FAM83F: variants seen among roughly 807,000 people sequenced by gnomAD.
FAM83F encodes the protein protein FAM83F.
Under a neutral mutation model 42.9 loss-of-function variants are expected in FAM83F, and 45 were observed. The observed-to-expected ratio is 1.05, with a 90% CI of 0.83 to 1.35. The LOEUF (loss-of-function observed/expected upper bound fraction) is 1.35. Ranked by LOEUF, FAM83F falls within the 40% of genes most tolerant of loss-of-function variation. The pLI, the probability that FAM83F is intolerant of heterozygous loss-of-function variation, is 0.00. For synonymous variants in FAM83F, 306 were observed against 298.3 expected (o/e 1.03, Z -0.27); for missense variants, 617 against 695.9 (o/e 0.89, Z 1.28).
At chr22:40,016,813 G>A (rs916726593) in intron 1 of FAM83F, among the ~76,000 whole-genome samples, 35 of 151,968 alleles carry the variant, frequency 2.3e-4, no homozygotes, top group Admixed American at 7.2e-4. Context: ...ACAGGCACCC[G>A]CCACCACGCC....
rs1183487376 is a variant in FAM83F, at chr22:39,995,070, G to A, written c.28G>A (p.Asp10Asn). Residue 10 changes from aspartate (D) to asparagine (N), a missense_variant, in exon 1 of 5, where the codon GAC becomes AAC. By Grantham distance (23) the Asp-to-Asn change is conservative (BLOSUM62 1). Coordinates refer to ENST00000333407, the MANE Select transcript of FAM83F (RefSeq NM_138435.4). This position sits in a 1 kb window ranked among gnomAD's most constrained non-coding sequence, Gnocchi z 4.6. Reference sequence around the variant, plus strand: ...GGCCGAGTCCCAGCTGAACTGCCTGGACGAGGCGCACGTGAACGAGAAGGT... The same window carrying A: ...GGCCGAGTCCCAGCTGAACTGCCTGAACGAGGCGCACGTGAACGAGAAGGT... MAESQLNCL[D>N]EAHVNEKVTE... 7.4e-6 allele frequency: 10 copies of A among 1,343,244 alleles called. No homozygotes were observed. The highest frequency in any genetic ancestry group is 2.0e-5 in the South Asian group (1 of 51,110). 83.2% of individuals were successfully genotyped at this position (1,343,244 alleles called of 1,614,324 possible). A position where few individuals can be genotyped will look rare whatever the true frequency, so the allele number is the denominator to read the frequency against.
intron 1 of FAM83F, among the ~76,000 whole-genome samples, chr22:40,007,643 T>G (rs1350214500): frequency 1.4e-4 from 13 of 93,700 alleles, no homozygotes; most frequent in African/African-American, 5.6e-4. Flanking sequence ...TCCTCTCCTC[T>G]TCTCTCCTCC....
In FAM83F at chr22:40,032,434, C is replaced by T. The variant is rs529538940; in HGVS notation, c.*2869C>T. The T allele has an allele frequency of 2.6e-5, 4 of 152,328 alleles. No individual in the cohort carries two copies. The East Asian group carries it at 7.7e-4, about 29-fold the overall frequency. The allele number at this position is 152,328 out of a possible 1,614,324, so 9.4% of individuals were successfully genotyped here. A position where few individuals can be genotyped will look rare whatever the true frequency, so the allele number is the denominator to read the frequency against. On this transcript the variant is annotated 3_prime_UTR_variant, in exon 5 of 5. Transcript: ENST00000333407. Reference sequence around the variant, plus strand: ...AATCTTATCCCTGACCCCTCGAGGGCTTTCAAGATAGCCTCTGTTAACATC... The same window carrying T: ...AATCTTATCCCTGACCCCTCGAGGGTTTTCAAGATAGCCTCTGTTAACATC...
chr22:40,022,611 C>T (rs2067529246), intron 4 of FAM83F, among the ~76,000 whole-genome samples: 3 of 152,242 alleles, frequency 2.0e-5, no homozygotes, highest in Admixed American at 1.3e-4. Flanking sequence ...TCCATGGCAG[C>T]GTCTTTCTGG....
In FAM83F at chr22:40,034,308, G is replaced by T. The variant is rs2067608153; in HGVS notation, c.*4743G>T. 6.6e-6 allele frequency: 1 copy of T among 152,338 alleles called. No homozygotes were observed. Among genetic ancestry groups the T allele is most frequent in the Non-Finnish European group, 1.5e-5 (1 of 68,122 alleles). The allele number at this position is 152,338 out of a possible 1,614,324, so 9.4% of individuals were successfully genotyped here. On this transcript the variant is annotated 3_prime_UTR_variant, in exon 5 of 5. Coordinates refer to ENST00000333407, the MANE Select transcript of FAM83F (RefSeq NM_138435.4). ...TGCACTGCTGTTCCAGGGGCAGGAG[G>T]TTTGCTGCAAATCAGGTACCCCCAG... is the stretch of plus-strand genomic sequence containing the variant.
In FAM83F at chr22:40,023,048, G is replaced by A. The variant is rs571259188; in HGVS notation, c.1453+1085G>A. On this transcript the variant is annotated intron_variant, in intron 4 of 4. Coordinates refer to ENST00000333407, the MANE Select transcript of FAM83F (RefSeq NM_138435.4). This position sits in a 1 kb window ranked among gnomAD's most constrained non-coding sequence, Gnocchi z 4.1. ...TTGGAACAGGCCTGGGCGCCTCTGT[G>A]GCTGTGGGCACAGTGGGAGTGTCAG... Among the ~76,000 whole-genome samples, 17 of 152,332 alleles carry A rather than the reference G, an allele frequency of 1.1e-4. No homozygotes were observed. Among genetic ancestry groups the A allele is most frequent in the African/African-American group, 4.1e-4 (17 of 41,574 alleles).
At chr22:40,020,563 A>C (rs545284040) in intron 3 of FAM83F, among the ~76,000 whole-genome samples, 1 of 152,018 alleles carries the variant, frequency 6.6e-6, no homozygotes, top group East Asian at 1.9e-4. Flanking sequence ...GGGTTTCACC[A>C]TGTTGGCCAG....
intron 2 of FAM83F, 38 bp downstream of exon 2, chr22:40,019,373 T>G (rs1292752122): frequency 1.3e-6 from 2 of 1,599,310 alleles, no homozygotes; most frequent in African/African-American, 2.7e-5. Context: ...GGACAGGAGA[T>G]GAGACAGAGA....
chr22:40,003,798 G>T (rs1458234881), intron 1 of FAM83F, among the ~76,000 whole-genome samples: 1 of 152,160 alleles, frequency 6.6e-6, no homozygotes, highest in Non-Finnish European at 1.5e-5. Flanking sequence ...CAATAATCTG[G>T]AAACATATGC....
intron 1 of FAM83F, among the ~76,000 whole-genome samples, chr22:39,999,343 A>C (rs141103492): frequency 2.0e-5 from 3 of 152,178 alleles, no homozygotes; most frequent in Non-Finnish European, 4.4e-5. Flanking sequence ...GCGGCATCCA[A>C]TTTTGAGGCT....
intron 1 of FAM83F, among the ~76,000 whole-genome samples, chr22:40,007,619 T>C (rs1244894499): frequency 9.0e-5 from 5 of 55,846 alleles, no homozygotes; most frequent in East Asian, 6.3e-4. Flanking sequence ...TTCTCCTCTC[T>C]TCCTCCTCTC....
At chr22:40,006,046 C>T (rs1163174758) in intron 1 of FAM83F, among the ~76,000 whole-genome samples, 2 of 152,154 alleles carry the variant, frequency 1.3e-5, no homozygotes, top group Non-Finnish European at 2.9e-5. Flanking sequence ...TTGAAACCAG[C>T]CTGGCCAACA....
chr22:40,005,892 G>C (rs1005916785), intron 1 of FAM83F, among the ~76,000 whole-genome samples: 3 of 152,216 alleles, frequency 2.0e-5, no homozygotes, highest in Admixed American at 2.0e-4. Flanking sequence ...AGCGGACGAA[G>C]CACAGATGCT....
chr22:40,021,345 C>T lies in FAM83F; in HGVS notation c.835C>T (p.Gln279Ter). ...AAACCTCCTCCTGCTCCTGACAGGA[C>T]AGAACGTAGAGCCCTTTGACACGGA... ...DRNLLLLLTG[Q>*]NVEPFDTEFR... is the part of the protein sequence containing the mutation. The change falls in exon 4 of 5, where the codon CAG becomes TAG. Residue 279 changes from glutamine to a stop codon, truncating the protein, a stop_gained. Coordinates refer to ENST00000333407, the MANE Select transcript of FAM83F (RefSeq NM_138435.4). LOFTEE classifies it high-confidence loss of function. This position sits in a 1 kb window ranked among gnomAD's most constrained non-coding sequence, Gnocchi z 8.7. 2 of 1,599,772 alleles carry T rather than the reference C, an allele frequency of 1.3e-6. No individual in the cohort carries two copies. The highest frequency in any genetic ancestry group is 1.7e-6 in the Non-Finnish European group (2 of 1,170,304).
chr22:40,013,885 G>T, intron 1 of FAM83F, among the ~76,000 whole-genome samples: 1 of 151,854 alleles, frequency 6.6e-6, no homozygotes, highest in Non-Finnish European at 1.5e-5. Context: ...AACTGTGAAT[G>T]GATCTTATTT....
chr22:40,029,838 G>C lies in FAM83F; in HGVS notation c.*273G>C. The C allele has an allele frequency of 2.3e-6, 1 of 425,908 alleles. No homozygotes were observed. Among genetic ancestry groups the C allele is most frequent in the South Asian group, 2.8e-5 (1 of 35,660 alleles). 26.4% of individuals were successfully genotyped at this position (425,908 alleles called of 1,614,324 possible). On this transcript the variant is annotated 3_prime_UTR_variant, in exon 5 of 5. Transcript: ENST00000333407. Reference sequence around the variant, plus strand: ...TGAAGTGGAAGCTTGACCAGTGTCTGCTCGCCTTTGTGCCCCACCCCCTCC... The same window carrying C: ...TGAAGTGGAAGCTTGACCAGTGTCTCCTCGCCTTTGTGCCCCACCCCCTCC...
chr22:40,024,289 G>T (rs6001721), intron 4 of FAM83F, among the ~76,000 whole-genome samples: 3 of 152,122 alleles, frequency 2.0e-5, no homozygotes, highest in Non-Finnish European at 2.9e-5. Flanking sequence ...AAGCCACCGC[G>T]CCTGGCCAGG....
At chr22:40,020,787 G>GT (rs2067515563) in intron 3 of FAM83F, among the ~76,000 whole-genome samples, 1 of 152,136 alleles carries the variant, frequency 6.6e-6, no homozygotes, top group South Asian at 2.1e-4. Context: ...GAATAGCAGG[G>GT]TAAGTCCTGT....
chr22:40,011,673 C>T (rs1334532148), intron 1 of FAM83F, among the ~76,000 whole-genome samples: 1 of 152,162 alleles, frequency 6.6e-6, no homozygotes. Context: ...TGGAATTATC[C>T]AAGTTACGGC....
Sources: allele counts gnomAD v4.1 joint callset (sites outside exome capture counted in the v4.1 genomes callset), GRCh38; gene constraint gnomAD v4.1.1; non-coding constraint Gnocchi (gnomAD v3.1); transcripts MANE v1.5; gene names NCBI Gene and HGNC (gene_info 2026-07-23, HGNC 2026-07-21).